Variants in GOLPH3L observed in about 807,000 individuals in gnomAD.
GOLPH3L encodes the protein golgi phosphoprotein 3 like.
In GOLPH3L, 22 loss-of-function variants were observed where a neutral mutation model predicts 30.3. The ratio of observed to expected loss-of-function variants is 0.73; its 90% CI spans 0.52 to 1.04. The LOEUF is 1.04. Among genes scored for constraint, GOLPH3L ranks in the 50% least tolerant of loss-of-function variants. The pLI, the probability that GOLPH3L is intolerant of heterozygous loss-of-function variation, is 0.00. For synonymous variants in GOLPH3L, 120 were observed against 128.2 expected (o/e 0.94, Z 0.43); for missense variants, 303 against 345.8 (o/e 0.88, Z 0.98).
At chr1:150,676,320 A>G (rs1650775086) in intron 2 of GOLPH3L, among the ~76,000 whole-genome samples, 1 of 152,106 alleles carries the variant, frequency 6.6e-6, no homozygotes, top group African/African-American at 2.4e-5. Context: ...AGCTCTATGT[A>G]GCCATCACCT....
At chr1:150,651,326 C>CA (rs992404465) in intron 4 of GOLPH3L, among the ~76,000 whole-genome samples, 1 of 151,300 alleles carries the variant, frequency 6.6e-6, no homozygotes, top group East Asian at 2.0e-4. Flanking sequence ...AAAACAAAAA[C>CA]AAAAAAACCA....
In GOLPH3L at chr1:150,663,665, C is replaced by T. The variant is rs760939174; in HGVS notation, c.282G>A (p.Pro94=). ...AMRGRIYLEP[P]TMRKKRLLDR... ...CTAGTAGTCGCTTCTTACGCATGGT[C>T]GGGGGTTCCAGATAGATTCGACCCC... The change falls in exon 3 of 5, where the codon CCG becomes CCA. Residue 94 remains proline, a synonymous_variant. Transcript: ENST00000271732. The T allele has an allele frequency of 1.1e-5, 17 of 1,613,580 alleles. No homozygotes were observed. Among genetic ancestry groups the T allele is most frequent in the Middle Eastern group, 1.6e-4 (1 of 6,082 alleles).
chr1:150,692,306 C>A (rs1294002089), intron 2 of GOLPH3L, among the ~76,000 whole-genome samples: 1 of 152,104 alleles, frequency 6.6e-6, no homozygotes, highest in Admixed American at 6.6e-5. Context: ...TTTATTCTTC[C>A]TGAGCCAAAT....
At chr1:150,688,176 A>T (rs1421417727) in intron 2 of GOLPH3L, among the ~76,000 whole-genome samples, 1 of 152,232 alleles carries the variant, frequency 6.6e-6, no homozygotes, top group Non-Finnish European at 1.5e-5. Context: ...TTGGCTTTCA[A>T]ACTACTTGTT....
intron 2 of GOLPH3L, among the ~76,000 whole-genome samples, chr1:150,679,713 T>A (rs1045626991): frequency 1.3e-5 from 2 of 152,102 alleles, no homozygotes; most frequent in African/African-American, 4.8e-5. Context: ...AGTGAGAATA[T>A]CCCTTGAGCC....
At chr1:150,668,952 C>G (rs1650577524) in intron 2 of GOLPH3L, among the ~76,000 whole-genome samples, 1 of 152,098 alleles carries the variant, frequency 6.6e-6, no homozygotes, top group African/African-American at 2.4e-5. Context: ...ACAGTGACAT[C>G]AGATTGTCAA....
At chr1:150,692,574 G>A (rs1336898) in intron 2 of GOLPH3L, among the ~76,000 whole-genome samples, 58,492 of 151,890 alleles carry the variant, frequency 0.39, 11,577 homozygotes, top group South Asian at 0.55. Context: ...TAAATTTTTT[G>A]TAGAGATGGT....
intron 4 of GOLPH3L, among the ~76,000 whole-genome samples, chr1:150,649,858 G>A (rs587595257): frequency 6.6e-6 from 1 of 152,244 alleles, no homozygotes; most frequent in African/African-American, 2.4e-5. Flanking sequence ...ATAGCCGGGT[G>A]TGGTGGTACA....
At chr1:150,659,063 A>G (rs1385011830) in intron 4 of GOLPH3L, among the ~76,000 whole-genome samples, 1 of 152,208 alleles carries the variant, frequency 6.6e-6, no homozygotes. Flanking sequence ...AAAATGGATA[A>G]AAACACTTGG....
At chr1:150,675,966 C>G (rs587750327) in intron 2 of GOLPH3L, among the ~76,000 whole-genome samples, 126 of 146,554 alleles carry the variant, frequency 8.6e-4, no homozygotes, top group African/African-American at 3.0e-3. Context: ...CTCCCTCCCT[C>G]CCTCCCTTCC....
chr1:150,648,808 T>A, intron 4 of GOLPH3L, 60 bp from the exon 5 acceptor site: 3 of 1,057,990 alleles, frequency 2.8e-6, no homozygotes, highest in Admixed American at 2.0e-5. Context: ...ATGAAACATG[T>A]AGTTGTTTGG....
At chr1:150,683,062 T>C (rs1650994410) in intron 2 of GOLPH3L, among the ~76,000 whole-genome samples, 1 of 152,134 alleles carries the variant, frequency 6.6e-6, no homozygotes, top group Non-Finnish European at 1.5e-5. Flanking sequence ...AAGCGCATCT[T>C]ACTTACTTTT....
intron 4 of GOLPH3L, among the ~76,000 whole-genome samples, chr1:150,659,875 AAC>A (rs942277738): frequency 6.6e-6 from 1 of 152,034 alleles, no homozygotes; most frequent in African/African-American, 2.4e-5. Context: ...CTCCACCAAA[AAC>A]ACAAAAAATT....
intron 2 of GOLPH3L, among the ~76,000 whole-genome samples, chr1:150,679,683 C>T (rs1650905519): frequency 6.6e-6 from 1 of 152,068 alleles, no homozygotes; most frequent in Non-Finnish European, 1.5e-5. Flanking sequence ...GCCTGTAGTC[C>T]CAGCTATTTC....
intron 1 of GOLPH3L, 31 bp from the exon 2 acceptor site, chr1:150,694,881 A>C: frequency 1.8e-6 from 2 of 1,132,438 alleles, no homozygotes; most frequent in Non-Finnish European, 2.6e-6. Flanking sequence ...AAAAATCCAT[A>C]TGTATGCTTA....
intron 2 of GOLPH3L, among the ~76,000 whole-genome samples, chr1:150,681,393 T>C (rs994247808): frequency 8.2e-4 from 125 of 152,234 alleles, no homozygotes; most frequent in Non-Finnish European, 3.4e-4. Flanking sequence ...GTATGATAAA[T>C]GCAAGAGAAT....
At chr1:150,650,864 T>G (rs1235127085) in intron 4 of GOLPH3L, among the ~76,000 whole-genome samples, 1 of 152,114 alleles carries the variant, frequency 6.6e-6, no homozygotes, top group Non-Finnish European at 1.5e-5. Flanking sequence ...ATTGACCCAT[T>G]CAGAAGAAAA....
At chr1:150,692,577 G>C (rs748689009) in intron 2 of GOLPH3L, among the ~76,000 whole-genome samples, 23 of 152,062 alleles carry the variant, frequency 1.5e-4, no homozygotes, top group Non-Finnish European at 2.5e-4. Flanking sequence ...ATTTTTTGTA[G>C]AGATGGTGTC....
chr1:150,663,739 A>G lies in GOLPH3L; in HGVS notation c.208T>C (p.Cys70Arg), dbSNP rs1333406380. The part of the protein sequence containing the change: ...KEGYTSFWND[C>R]ISSGLRGGIL... ...CCCCCTCGCAGGCCTGATGATATGC[A>G]GTCATTCCAGAAAGATGTGTACCCC... is the stretch of plus-strand genomic sequence containing the variant. Residue 70 changes from cysteine (C) to arginine (R), a missense_variant, in exon 3 of 5, where the codon TGC becomes CGC. Cys to Arg is a radical substitution (Grantham distance 180). Transcript: ENST00000271732. 1 of 1,613,432 alleles carries G rather than the reference A, an allele frequency of 6.2e-7. No homozygotes were observed. Among genetic ancestry groups the G allele is most frequent in the Non-Finnish European group, 8.5e-7 (1 of 1,179,390 alleles).
Sources: allele counts gnomAD v4.1 joint callset (sites outside exome capture counted in the v4.1 genomes callset), GRCh38; gene constraint gnomAD v4.1.1; transcripts MANE v1.5; gene names NCBI Gene and HGNC (gene_info 2026-07-23, HGNC 2026-07-21).